CLASP1: variants seen among roughly 807,000 people sequenced by gnomAD.
CLASP1 encodes the protein CLIP-associating protein 1.
A neutral mutation model predicts 192.3 loss-of-function variants in CLASP1; 38 were observed. The ratio of observed to expected loss-of-function variants is 0.20; its 90% CI spans 0.15 to 0.26. The LOEUF (loss-of-function observed/expected upper bound fraction) is 0.26, where lower values mean the gene tolerates loss of function less well. Ranked by LOEUF, CLASP1 falls within the 10% of genes least tolerant of loss-of-function variation. The pLI, the probability that CLASP1 is intolerant of heterozygous loss-of-function variation, is 1.00. For missense variants in CLASP1, 1,433 were observed against 1,932.5 expected, an observed-to-expected ratio of 0.74 and a Z score of 4.85; for synonymous variants, 691 against 712.8, an observed-to-expected ratio of 0.97 and a Z score of 0.49.
intron 22 of CLASP1, 108 bp from the exon 23 acceptor site, chr2:121,418,837 G>C (rs541097572): frequency 6.4e-6 from 5 of 776,832 alleles, no homozygotes; most frequent in Non-Finnish European, 8.6e-6. Context: ...GACATTGTTC[G>C]CGCTGGGGAG....
chr2:121,564,289 C>T (rs1008683392), intron 2 of CLASP1, among the ~76,000 whole-genome samples: 8 of 152,126 alleles, frequency 5.3e-5, no homozygotes, highest in African/African-American at 1.4e-4. Context: ...GTTCCATGTA[C>T]GAACCATGTT....
chr2:121,522,785 A>G (rs2094487850), intron 6 of CLASP1, among the ~76,000 whole-genome samples: 1 of 152,194 alleles, frequency 6.6e-6, no homozygotes, highest in African/African-American at 2.4e-5. Flanking sequence ...GGCTATGTCA[A>G]TATCACAAAT....
intron 8 of CLASP1, among the ~76,000 whole-genome samples, chr2:121,480,208 G>A (rs985488885): frequency 3.3e-5 from 5 of 152,320 alleles, no homozygotes; most frequent in South Asian, 2.1e-4. Context: ...GGACGACACC[G>A]GGGAAAGACA....
intron 2 of CLASP1, among the ~76,000 whole-genome samples, chr2:121,575,056 A>G (rs2060370071): frequency 6.6e-6 from 1 of 152,152 alleles, no homozygotes; most frequent in Non-Finnish European, 1.5e-5. Flanking sequence ...ACAATATTAC[A>G]TATTTCAAAG....
At chr2:121,498,955 T>C (rs1341807219) in intron 8 of CLASP1, among the ~76,000 whole-genome samples, 3 of 152,196 alleles carry the variant, frequency 2.0e-5, no homozygotes, top group African/African-American at 7.2e-5. Flanking sequence ...GTGGAAACTC[T>C]TACAGGTTGC....
chr2:121,455,569 G>A (rs992536245), intron 14 of CLASP1, among the ~76,000 whole-genome samples: 1 of 152,130 alleles, frequency 6.6e-6, no homozygotes, highest in Non-Finnish European at 1.5e-5. Flanking sequence ...GACAAATACT[G>A]CATGATCTCA....
At chr2:121,397,108 C>A (rs1048982452) in intron 30 of CLASP1, 32 bp downstream of exon 31, 2 of 1,609,860 alleles carry the variant, frequency 1.2e-6, no homozygotes, top group Middle Eastern at 1.7e-4. Flanking sequence ...CAGGAACAAT[C>A]TGTAATTACA....
chr2:121,432,091 C>T (rs1296340243), intron 19 of CLASP1, among the ~76,000 whole-genome samples: 4 of 152,068 alleles, frequency 2.6e-5, no homozygotes, highest in African/African-American at 7.2e-5. Context: ...CATCACAATA[C>T]TGTGATTAGC....
chr2:121,579,323 A>G (rs2060886553), intron 2 of CLASP1, among the ~76,000 whole-genome samples: 1 of 152,222 alleles, frequency 6.6e-6, no homozygotes, highest in Admixed American at 6.5e-5. Context: ...CTCACTTGTT[A>G]AAAATTGGTG....
intron 2 of CLASP1, among the ~76,000 whole-genome samples, chr2:121,594,217 G>A (rs539010548): frequency 2.3e-5 from 3 of 131,766 alleles, no homozygotes; most frequent in Admixed American, 7.5e-5. Flanking sequence ...GGAGAATGGC[G>A]TGAACCCGGG....
At chr2:121,401,431 G>T in intron 28 of CLASP1, 78 bp downstream of exon 29, 1 of 1,138,840 alleles carries the variant, frequency 8.8e-7, no homozygotes, top group Non-Finnish European at 1.3e-6. Context: ...AAAGGCCATG[G>T]GTAACAAAAG....
At chr2:121,575,782 C>G (rs2060457526) in intron 2 of CLASP1, among the ~76,000 whole-genome samples, 1 of 152,122 alleles carries the variant, frequency 6.6e-6, no homozygotes, top group African/African-American at 2.4e-5. Context: ...GATAAATACA[C>G]CTAAGATAAC....
chr2:121,531,906 T>G (rs2094901580), intron 2 of CLASP1, among the ~76,000 whole-genome samples: 1 of 152,202 alleles, frequency 6.6e-6, no homozygotes, highest in Admixed American at 6.5e-5. Context: ...AGTGAGCTTT[T>G]TGTGGAATGG....
chr2:121,367,897 G>A (rs1361739651), intron 34 of CLASP1, 66 bp from the exon 36 acceptor site: 2 of 1,570,160 alleles, frequency 1.3e-6, no homozygotes, highest in African/African-American at 1.4e-5. Context: ...TGAATGCTCA[G>A]AAATATTAAG....
Position 121,530,357 on chromosome 2 carries a change from A to C in CLASP1, c.196-32T>G, listed in dbSNP as rs374602359. On this transcript the variant is annotated intron_variant, in intron 2 of 39. Transcript: ENST00000263710. ...CGGGAAACACCGGGAGCCTGTTAGC[A>C]GCCGGCCTGCGGGGCAGCGCTCCCG... The C allele has an allele frequency of 1.8e-4, 271 of 1,526,670 alleles. 2 individuals carry two copies. The African/African-American group carries it at 3.2e-3, about 18-fold the overall frequency. The allele number at this position is 1,526,670 out of a possible 1,614,324, so 94.6% of individuals were successfully genotyped here.
chr2:121,638,738 G>A (rs1437883881), intron 1 of CLASP1, among the ~76,000 whole-genome samples: 1 of 151,518 alleles, frequency 6.6e-6, no homozygotes, highest in African/African-American at 2.4e-5. Flanking sequence ...CATGATCTCG[G>A]CTCACTGCAA....
intron 2 of CLASP1, among the ~76,000 whole-genome samples, chr2:121,577,604 T>G (rs1382192758): frequency 6.6e-6 from 1 of 152,208 alleles, no homozygotes; most frequent in East Asian, 1.9e-4. Flanking sequence ...CACTGTTCTG[T>G]GGCAACTTCT....
chr2:121,346,353 T>C (rs1322758505), intron 39 of CLASP1, among the ~76,000 whole-genome samples: 2 of 152,256 alleles, frequency 1.3e-5, no homozygotes, highest in Non-Finnish European at 2.9e-5. Flanking sequence ...CTCACCAGCC[T>C]AGCATGTCAC....
At chr2:121,510,225 T>C (rs1359561322) in intron 7 of CLASP1, among the ~76,000 whole-genome samples, 1 of 151,964 alleles carries the variant, frequency 6.6e-6, no homozygotes, top group East Asian at 1.9e-4. Flanking sequence ...GCAAAATATA[T>C]ACAACAGGGA....
Sources: gnomAD v4.1 joint callset for allele counts (sites outside exome capture counted in the v4.1 genomes callset) on GRCh38, gnomAD v4.1.1 for gene constraint, MANE v1.5 for transcripts, NCBI Gene and HGNC (gene_info 2026-07-23, HGNC 2026-07-21) for gene names.